Variants in KCTD8 observed in about 807,000 individuals in gnomAD.
The protein encoded by KCTD8 is BTB/POZ domain-containing protein KCTD8.
A neutral mutation model predicts 31.5 loss-of-function variants in KCTD8; 27 were observed. The ratio of observed to expected loss-of-function variants is 0.86; its 90% CI spans 0.63 to 1.18. KCTD8 has a LOEUF of 1.18. Among genes scored for constraint, KCTD8 ranks in the 50% most tolerant of loss-of-function variants. The pLI is 0.00. For synonymous variants in KCTD8, 290 were observed against 280.0 expected (o/e 1.04, Z -0.36); for missense variants, 658 against 647.7 (o/e 1.02, Z -0.17).
chr4:44,403,911 G>T (rs1720724754), intron 1 of KCTD8, among the ~76,000 whole-genome samples: 2 of 151,774 alleles, frequency 1.3e-5, no homozygotes, highest in African/African-American at 4.8e-5. Context: ...AATATTTCTG[G>T]CATTTTTCAT....
At chr4:44,287,810 T>A (rs947898726) in intron 1 of KCTD8, among the ~76,000 whole-genome samples, 4 of 152,184 alleles carry the variant, frequency 2.6e-5, no homozygotes, top group Non-Finnish European at 5.9e-5. Context: ...TGGCAGCCAC[T>A]ACAAATCAAT....
intron 1 of KCTD8, among the ~76,000 whole-genome samples, chr4:44,433,679 A>C (rs1156650657): frequency 6.6e-6 from 1 of 151,640 alleles, no homozygotes; most frequent in Admixed American, 6.6e-5. Context: ...TTGGCCAGCC[A>C]GTTGACATGG....
At chr4:44,206,224 T>A (rs1303909877) in intron 1 of KCTD8, among the ~76,000 whole-genome samples, 2 of 152,162 alleles carry the variant, frequency 1.3e-5, no homozygotes, top group Non-Finnish European at 2.9e-5. Context: ...ATGAACTCCA[T>A]CAGTTTGGAC....
chr4:44,316,444 TTGA>T (rs1406619555), intron 1 of KCTD8, among the ~76,000 whole-genome samples: 1 of 152,180 alleles, frequency 6.6e-6, no homozygotes, highest in Non-Finnish European at 1.5e-5. Flanking sequence ...GATCTTTCTC[TTGA>T]TGATGTTGTC....
At chr4:44,296,974 A>G (rs1259623701) in intron 1 of KCTD8, among the ~76,000 whole-genome samples, 1 of 152,116 alleles carries the variant, frequency 6.6e-6, no homozygotes, top group African/African-American at 2.4e-5. Context: ...AAGATATATT[A>G]TAATAAATTT....
At chr4:44,435,154 T>G (rs1304904632) in intron 1 of KCTD8, among the ~76,000 whole-genome samples, 1 of 152,004 alleles carries the variant, frequency 6.6e-6, no homozygotes, top group Non-Finnish European at 1.5e-5. Flanking sequence ...CTCTTTTCAC[T>G]ACTGATTCAA....
chr4:44,438,334 C>A (rs776179081), intron 1 of KCTD8, among the ~76,000 whole-genome samples: 1 of 152,178 alleles, frequency 6.6e-6, no homozygotes, highest in Non-Finnish European at 1.5e-5. Flanking sequence ...TGCCTAGACT[C>A]TGGGCAGTAT....
intron 1 of KCTD8, among the ~76,000 whole-genome samples, chr4:44,350,293 C>T (rs1183518770): frequency 6.6e-6 from 1 of 152,130 alleles, no homozygotes; most frequent in Non-Finnish European, 1.5e-5. Flanking sequence ...TCATCTGAAG[C>T]CTTACAGTCT....
intron 1 of KCTD8, among the ~76,000 whole-genome samples, chr4:44,339,416 T>G (rs1019154187): frequency 1.3e-5 from 2 of 152,076 alleles, no homozygotes; most frequent in African/African-American, 4.8e-5. Flanking sequence ...AGGGTTAATA[T>G]CAAAGTAACT....
At chr4:44,181,403 G>A (rs1451595362) in intron 1 of KCTD8, among the ~76,000 whole-genome samples, 2 of 152,104 alleles carry the variant, frequency 1.3e-5, no homozygotes, top group South Asian at 2.1e-4. Flanking sequence ...GCACCACCAC[G>A]CCTGACTGGT....
chr4:44,265,266 G>A lies in KCTD8; in HGVS notation c.962-90016C>T, dbSNP rs376479134. ...CCGCTGTTCTGCAGACACCGCTGCT[G>A]ACACCCAGGCAAACAGGGTCTGGAG... On this transcript the variant is annotated intron_variant, in intron 1 of 1. Transcript: ENST00000360029. Among the ~76,000 whole-genome samples the A allele has an allele frequency of 3.8e-4, 58 of 152,226 alleles. No homozygotes were observed. In the Middle Eastern group the frequency reaches 0.014, roughly 36 times the overall value.
intron 1 of KCTD8, among the ~76,000 whole-genome samples, chr4:44,199,275 A>G (rs1431966630): frequency 6.6e-6 from 1 of 152,078 alleles, no homozygotes; most frequent in Non-Finnish European, 1.5e-5. Flanking sequence ...TTTTGGACTT[A>G]CACTTGACAC....
At chr4:44,428,257 T>C (rs1327610762) in intron 1 of KCTD8, among the ~76,000 whole-genome samples, 1 of 151,758 alleles carries the variant, frequency 6.6e-6, no homozygotes, top group Non-Finnish European at 1.5e-5. Flanking sequence ...CAAAAGGTTA[T>C]GTACAGCAAA....
chr4:44,305,209 T>C (rs1717765363), intron 1 of KCTD8, among the ~76,000 whole-genome samples: 1 of 151,568 alleles, frequency 6.6e-6, no homozygotes, highest in African/African-American at 2.4e-5. Flanking sequence ...GTTTAGATAA[T>C]TAAAAGTAAA....
chr4:44,232,950 A>C (rs1715167341), intron 1 of KCTD8, among the ~76,000 whole-genome samples: 1 of 152,096 alleles, frequency 6.6e-6, no homozygotes, highest in Admixed American at 6.6e-5. Context: ...GGAAAGTGGA[A>C]AAAGATGCAA....
chr4:44,218,509 G>A (rs568034092), intron 1 of KCTD8, among the ~76,000 whole-genome samples: 3 of 150,804 alleles, frequency 2.0e-5, no homozygotes, highest in South Asian at 4.2e-4. Flanking sequence ...CCCATACTCC[G>A]TGATGTGCTT....
chr4:44,409,844 GA>G (rs201190350), intron 1 of KCTD8, among the ~76,000 whole-genome samples: 36,633 of 141,756 alleles, frequency 0.26, 4,615 homozygotes, highest in East Asian at 0.4. Flanking sequence ...TGGGAAAACA[GA>G]AAAAAAAAAA....
At chr4:44,417,111 G>A (rs998414404) in intron 1 of KCTD8, among the ~76,000 whole-genome samples, 1 of 152,180 alleles carries the variant, frequency 6.6e-6, no homozygotes, top group African/African-American at 2.4e-5. Context: ...TTGAATCCCT[G>A]TGTGTCTGAC....
At chr4:44,231,778 CTG>C (rs1251458495) in intron 1 of KCTD8, among the ~76,000 whole-genome samples, 8 of 151,986 alleles carry the variant, frequency 5.3e-5, no homozygotes, top group African/African-American at 9.6e-5. Flanking sequence ...TAAAATCTCA[CTG>C]TGTCTCTCTC....
Sources: allele counts gnomAD v4.1 joint callset (sites outside exome capture counted in the v4.1 genomes callset), GRCh38; gene constraint gnomAD v4.1.1; transcripts MANE v1.5; gene names NCBI Gene and HGNC (gene_info 2026-07-23, HGNC 2026-07-21).